MAML3: variants seen among roughly 807,000 people sequenced by gnomAD.
MAML3 encodes mastermind like transcriptional coactivator 3.
Under a neutral mutation model 101.9 loss-of-function variants are expected in MAML3, and 27 were observed. The observed-to-expected ratio is 0.27, with a 90% CI of 0.20 to 0.37. MAML3 has a LOEUF of 0.37. Among genes scored for constraint, MAML3 ranks in the 10% least tolerant of loss-of-function variants. MAML3 has a pLI of 1.00. For synonymous variants in MAML3, 501 were observed against 555.9 expected (o/e 0.90, Z 1.39); for missense variants, 1,316 against 1,444.9 (o/e 0.91, Z 1.45).
intron 2 of MAML3, among the ~76,000 whole-genome samples, chr4:139,865,500 T>TTTG (rs1731880387): frequency 6.6e-6 from 1 of 150,632 alleles, no homozygotes; most frequent in African/African-American, 2.4e-5. Context: ...TTTTTTGTTT[T>TTTG]TTTTTTTTTT....
intron 1 of MAML3, among the ~76,000 whole-genome samples, chr4:140,070,260 T>C (rs931786506): frequency 6.6e-5 from 10 of 152,232 alleles, no homozygotes; most frequent in African/African-American, 2.2e-4. Flanking sequence ...GCTTCAGAAA[T>C]ACTTGTTGAA....
chr4:140,091,007 G>A (rs1001152572), intron 1 of MAML3, among the ~76,000 whole-genome samples: 1 of 152,030 alleles, frequency 6.6e-6, no homozygotes, highest in Non-Finnish European at 1.5e-5. Context: ...CCAAGGTTGC[G>A]CCACTGCACT....
At chr4:139,995,551 AG>A (rs1423509993) in intron 1 of MAML3, among the ~76,000 whole-genome samples, 1 of 152,000 alleles carries the variant, frequency 6.6e-6, no homozygotes, top group East Asian at 1.9e-4. Context: ...TTTCTTCCTG[AG>A]TCAGTTTTGG....
chr4:140,073,623 C>T (rs1158377770), intron 1 of MAML3, among the ~76,000 whole-genome samples: 5 of 152,226 alleles, frequency 3.3e-5, no homozygotes, highest in East Asian at 3.9e-4. Context: ...CCATACCCTC[C>T]GCCTGCCATT....
At chr4:139,805,347 G>T (rs112406441) in intron 2 of MAML3, among the ~76,000 whole-genome samples, 4 of 152,092 alleles carry the variant, frequency 2.6e-5, no homozygotes, top group South Asian at 4.1e-4. Flanking sequence ...CCTTAAAATG[G>T]GTTAATTTAA....
At position 140,026,171 on chromosome 4, in the gene MAML3, T is replaced by C. The variant is rs527911373; in HGVS notation, c.468+126689A>G. Among the ~76,000 whole-genome samples the C allele has an allele frequency of 2.0e-5, 3 of 152,326 alleles. No individual in the cohort carries two copies. The East Asian group carries it at 5.8e-4, about 29-fold the overall frequency. On this transcript the variant is annotated intron_variant, in intron 1 of 4. Transcript: ENST00000509479. ...ATTAAACTTCCCTTAAGTGCCTTAT[T>C]AGAGGCTCATCAAAACATATATATG... is the stretch of plus-strand genomic sequence containing the variant.
chr4:140,119,211 A>AGAGAC (rs1728563983), intron 1 of MAML3, among the ~76,000 whole-genome samples: 1 of 152,156 alleles, frequency 6.6e-6, no homozygotes, highest in African/African-American at 2.4e-5. Context: ...TTCAGTTTCC[A>AGAGAC]CTACATAACC....
intron 2 of MAML3, among the ~76,000 whole-genome samples, chr4:139,864,918 A>AATTG (rs1731864563): frequency 1.5e-5 from 1 of 67,524 alleles, no homozygotes; most frequent in Admixed American, 1.7e-4. Flanking sequence ...AGTAATGCAA[A>AATTG]CTTGCTTTTT....
intron 2 of MAML3, among the ~76,000 whole-genome samples, chr4:139,807,272 A>C (rs1244346246): frequency 1.4e-5 from 2 of 140,082 alleles, no homozygotes; most frequent in African/African-American, 5.2e-5. Context: ...TCATATGCAT[A>C]TACGCTATTA....
intron 1 of MAML3, among the ~76,000 whole-genome samples, chr4:140,058,292 A>G (rs1425812275): frequency 2.0e-5 from 3 of 151,172 alleles, no homozygotes; most frequent in African/African-American, 7.3e-5. Context: ...TAGTGGGTCT[A>G]TGTTGCCCAG....
chr4:139,877,841 T>C (rs777958012), intron 2 of MAML3, among the ~76,000 whole-genome samples: 7 of 152,216 alleles, frequency 4.6e-5, no homozygotes, highest in Non-Finnish European at 8.8e-5. Flanking sequence ...TAAGATTTGA[T>C]TATTTACATG....
intron 2 of MAML3, among the ~76,000 whole-genome samples, chr4:139,771,155 T>C (rs1371314370): frequency 1.3e-5 from 2 of 152,234 alleles, no homozygotes; most frequent in African/African-American, 2.4e-5. Flanking sequence ...GGCAGTGATG[T>C]ATTACGCTGC....
chr4:139,870,746 A>T (rs896956961), intron 2 of MAML3, among the ~76,000 whole-genome samples: 1 of 152,146 alleles, frequency 6.6e-6, no homozygotes, highest in East Asian at 1.9e-4. Flanking sequence ...GACTCAAGAG[A>T]TCCTTCCACC....
chr4:139,769,930 T>TTTTTTTTTTTG (rs1301459343), intron 2 of MAML3, among the ~76,000 whole-genome samples: 1 of 151,090 alleles, frequency 6.6e-6, no homozygotes, highest in African/African-American at 2.4e-5. Flanking sequence ...TTTTTTTTTT[T>TTTTTTTTTTTG]TTTTTTAAAG....
At chr4:140,001,811 C>T (rs1413442086) in intron 1 of MAML3, among the ~76,000 whole-genome samples, 1 of 152,140 alleles carries the variant, frequency 6.6e-6, no homozygotes, top group Non-Finnish European at 1.5e-5. Flanking sequence ...CCAGTCTATA[C>T]TGGGAGGCTT....
intron 2 of MAML3, among the ~76,000 whole-genome samples, chr4:139,816,413 G>A (rs963402072): frequency 7.2e-5 from 11 of 152,186 alleles, no homozygotes; most frequent in African/African-American, 2.2e-4. Context: ...TGATTGTGGG[G>A]GATGGGGCCT....
intron 2 of MAML3, among the ~76,000 whole-genome samples, chr4:139,832,903 C>A (rs1731193709): frequency 6.6e-6 from 1 of 152,148 alleles, no homozygotes; most frequent in African/African-American, 2.4e-5. Context: ...TAAATAATAA[C>A]CTTGGAAGAA....
intron 1 of MAML3, among the ~76,000 whole-genome samples, chr4:139,976,587 C>T (rs991701167): frequency 1.3e-5 from 2 of 152,162 alleles, no homozygotes; most frequent in Non-Finnish European, 2.9e-5. Flanking sequence ...GATCTTATTT[C>T]CTGATTGAAG....
intron 1 of MAML3, among the ~76,000 whole-genome samples, chr4:140,147,938 G>A (rs754024616): frequency 8.0e-5 from 12 of 149,828 alleles, no homozygotes; most frequent in Non-Finnish European, 1.2e-4. Flanking sequence ...GTGTGTGCAC[G>A]TGCATGCATG....
Sources: gnomAD v4.1 joint callset for allele counts (sites outside exome capture counted in the v4.1 genomes callset) on GRCh38, gnomAD v4.1.1 for gene constraint, MANE v1.5 for transcripts, NCBI Gene and HGNC (gene_info 2026-07-23, HGNC 2026-07-21) for gene names.